The following ABCA13 variants were observed in gnomAD, a reference collection of about 807,000 sequenced individuals.
ABCA13 encodes the protein ATP binding cassette subfamily A member 13.
In ABCA13, 476 loss-of-function variants were observed where a neutral mutation model predicts 478.7. That is an observed-to-expected ratio of 0.99 (90% confidence interval 0.92 to 1.07). The LOEUF is 1.07. Among genes scored for constraint, ABCA13 ranks in the 50% least tolerant of loss-of-function variants. The pLI, the probability that ABCA13 is intolerant of heterozygous loss-of-function variation, is 0.00. For synonymous variants in ABCA13, 2,252 were observed against 2,158.9 expected (o/e 1.04, Z -1.20); for missense variants, 6,060 against 5,910.6 (o/e 1.03, Z -0.83).
intron 35 of ABCA13, 144 bp from the exon 36 acceptor site, chr7:48,387,678 C>T (rs2129051210): frequency 1.4e-6 from 1 of 723,668 alleles, no homozygotes; most frequent in African/African-American, 1.8e-5. Flanking sequence ...TAGCTGTGCC[C>T]TGGGATATCA....
chr7:48,503,151 A>G (rs1403273376), intron 48 of ABCA13, among the ~76,000 whole-genome samples: 1 of 152,140 alleles, frequency 6.6e-6, no homozygotes, highest in African/African-American at 2.4e-5. Flanking sequence ...CAGTGGCGCA[A>G]TCATGGTTCA....
chr7:48,563,503 T>C (rs1786678227), intron 55 of ABCA13, among the ~76,000 whole-genome samples: 1 of 152,146 alleles, frequency 6.6e-6, no homozygotes, highest in South Asian at 2.1e-4. Context: ...TGAAGTCACC[T>C]GGGCTAGAAA....
In ABCA13 at chr7:48,481,138, C is replaced by A. The variant is rs772940760; in HGVS notation, c.13078C>A (p.Pro4360Thr). 4 of 1,585,722 alleles carry A rather than the reference C, an allele frequency of 2.5e-6. No homozygotes were observed. The highest frequency in any genetic ancestry group is 2.6e-6 in the Non-Finnish European group (3 of 1,165,084). Residue 4360 changes from proline (P) to threonine (T), a missense_variant, in exon 46 of 62, where the codon CCA (proline) becomes ACA (threonine). Physicochemically the swap from Pro to Thr is conservative, Grantham distance 38. Transcript: ENST00000435803. ...CAATATGGAGGAGTACTTGCTGGCA[C>A]CATCTGAAAAACCAAGGTGTGTTCA... The part of the protein sequence containing the change: ...GFNMEEYLLA[P>T]SEKPRLGGWS...
intron 15 of ABCA13, among the ~76,000 whole-genome samples, chr7:48,258,260 G>C (rs116189979): frequency 6.6e-6 from 1 of 152,224 alleles, no homozygotes; most frequent in African/African-American, 2.4e-5. Flanking sequence ...TTCAATTTCA[G>C]AACTCATATT....
intron 19 of ABCA13, among the ~76,000 whole-genome samples, chr7:48,286,937 G>A (rs1797847170): frequency 6.6e-6 from 1 of 152,068 alleles, no homozygotes; most frequent in Non-Finnish European, 1.5e-5. Context: ...TCATGACCAA[G>A]CATCTAGGAG....
At position 48,272,064 on chromosome 7, in the gene ABCA13, G is replaced by C. The variant is rs1795686916; in HGVS notation, c.2398G>C (p.Val800Leu). 1.2e-6 allele frequency: 2 copies of C among 1,613,622 alleles called. No homozygotes were observed. The highest frequency in any genetic ancestry group is 1.7e-5 in the Admixed American group (1 of 59,970). ...GAAACTCTTGGAATTTGGCAACGAA[G>C]TGATTTGGAAAATGCAGACTCTCGG... ...AQKLLEFGNE[V>L]IWKMQTLGSH... The change falls in exon 17 of 62, where the codon GTG becomes CTG. Residue 800 changes from valine (V) to leucine (L), a missense_variant. By Grantham distance (32) the Val-to-Leu change is conservative. This residue lies in a region of ABCA13 where 4,423 missense variants were observed against 4,309.1 expected (regional missense o/e 1.03). Coordinates refer to ENST00000435803, the MANE Select transcript of ABCA13 (RefSeq NM_152701.5).
In ABCA13 at chr7:48,278,545, G is replaced by T; in HGVS notation, c.7351G>T (p.Ala2451Ser). 1.2e-6 allele frequency: 2 copies of T among 1,613,894 alleles called. No individual in the cohort carries two copies. The highest frequency in any genetic ancestry group is 1.7e-6 in the Non-Finnish European group (2 of 1,179,836). ...TCCTACCCTCCAAGAAGTTATACTTGCTAATCTAACGGATTTGCTTTTCTT... is the reference window on the plus strand; with the variant it reads ...TCCTACCCTCCAAGAAGTTATACTTTCTAATCTAACGGATTTGCTTTTCTT... The part of the protein sequence containing the change: ...LYPTLQEVIL[A>S]NLTDLLFFIN... The change falls in exon 18 of 62, where the codon GCT (alanine) becomes TCT (serine). Residue 2451 changes from alanine to serine, a missense_variant. By Grantham distance (99) the Ala-to-Ser change is moderately conservative (BLOSUM62 1). Around this residue, in one of 3 missense-constraint regions of ABCA13, gnomAD observed 4,423 missense variants for 4,309.1 expected, o/e 1.03. Transcript: ENST00000435803.
At chr7:48,181,123 G>C (rs1296007962) in intron 1 of ABCA13, among the ~76,000 whole-genome samples, 1 of 152,210 alleles carries the variant, frequency 6.6e-6, no homozygotes, top group Non-Finnish European at 1.5e-5. Flanking sequence ...GATGCATCCA[G>C]TGTCGTATTG....
chr7:48,435,454 T>C (rs1822705827), intron 42 of ABCA13, among the ~76,000 whole-genome samples: 1 of 151,874 alleles, frequency 6.6e-6, no homozygotes, highest in Admixed American at 6.6e-5. Context: ...AAGACTGTCA[T>C]CTGCAAACAA....
At chr7:48,179,408 C>T (rs933373239) in intron 1 of ABCA13, among the ~76,000 whole-genome samples, 2 of 152,150 alleles carry the variant, frequency 1.3e-5, no homozygotes, top group Admixed American at 6.5e-5. Flanking sequence ...TCATTCCTGT[C>T]GGGGATGTTT....
intron 43 of ABCA13, among the ~76,000 whole-genome samples, chr7:48,457,037 A>C (rs897904195): frequency 6.6e-6 from 1 of 151,978 alleles, no homozygotes; most frequent in Non-Finnish European, 1.5e-5. Context: ...TGGTGTACTT[A>C]CTATATGCTA....
At chr7:48,473,893 A>T (rs536322065) in intron 45 of ABCA13, among the ~76,000 whole-genome samples, 1 of 152,346 alleles carries the variant, frequency 6.6e-6, no homozygotes, top group African/African-American at 2.4e-5. Context: ...ATACACATGT[A>T]AGCGGGAATA....
intron 34 of ABCA13, among the ~76,000 whole-genome samples, chr7:48,375,614 T>G (rs1286791933): frequency 4.3e-4 from 65 of 151,972 alleles, no homozygotes; most frequent in African/African-American, 1.5e-3. Flanking sequence ...ATGGTTTTTT[T>G]TGGGGGGGGG....
chr7:48,273,363 G>C lies in ABCA13; in HGVS notation c.3697G>C (p.Asp1233His). 1 of 1,613,626 alleles carries C rather than the reference G, an allele frequency of 6.2e-7. No individual in the cohort carries two copies. Among genetic ancestry groups the C allele is most frequent in the South Asian group, 1.1e-5 (1 of 91,062 alleles). ...TTGGGAGGACTTCCTGGATCTCAGGGATTTTTTGGTAGCTTTAGGTAATGC... is the reference window on the plus strand; with the variant it reads ...TTGGGAGGACTTCCTGGATCTCAGGCATTTTTTGGTAGCTTTAGGTAATGC... Reference protein sequence around the residue: ...HNWEDFLDLRDFLVALGNALV... With the variant: ...HNWEDFLDLRHFLVALGNALV... Residue 1233 changes from aspartate to histidine, a missense_variant, in exon 17 of 62, where the codon GAT (aspartate) becomes CAT (histidine). Transcript: ENST00000435803.
chr7:48,543,785 A>T (rs890387363), intron 55 of ABCA13, among the ~76,000 whole-genome samples: 1 of 151,894 alleles, frequency 6.6e-6, no homozygotes, highest in Non-Finnish European at 1.5e-5. Flanking sequence ...ATCATTATAA[A>T]CAACTAAAAT....
chr7:48,641,280 C>T (rs796769895), intron 59 of ABCA13, among the ~76,000 whole-genome samples: 15 of 152,280 alleles, frequency 9.9e-5, no homozygotes, highest in African/African-American at 3.6e-4. Flanking sequence ...TTATATAATG[C>T]TTCCTATTCA....
At position 48,392,042 on chromosome 7, in the gene ABCA13, C is replaced by T. The variant is rs1816146493; in HGVS notation, c.11776C>T (p.Leu3926=). The change falls in exon 38 of 62, where the codon CTG becomes TTG. Residue 3926 remains leucine, a synonymous_variant. Coordinates refer to ENST00000435803, the MANE Select transcript of ABCA13 (RefSeq NM_152701.5). ...TGGTGTGTGTCCGCAGCAGGACATC[C>T]TGTTGGACAACCTCACCGTCCGGGA... ...ELGVCPQQDI[L]LDNLTVREHL... 5.0e-6 allele frequency: 8 copies of T among 1,613,902 alleles called. No individual in the cohort carries two copies. The highest frequency in any genetic ancestry group is 1.3e-5 in the African/African-American group (1 of 74,940).
chr7:48,484,036 T>A (rs12718275), intron 47 of ABCA13, among the ~76,000 whole-genome samples: 9,845 of 152,230 alleles, frequency 0.065, 441 homozygotes, highest in African/African-American at 0.12. Flanking sequence ...ACAATCTCCA[T>A]GAGCCCAGGA....
In ABCA13 at chr7:48,352,032, G is replaced by C. The variant is rs1013810923; in HGVS notation, c.10382-149G>C. 9 of 683,894 alleles carry C rather than the reference G, an allele frequency of 1.3e-5. No individual in the cohort carries two copies. The East Asian group carries it at 2.4e-4, about 19-fold the overall frequency. The allele number at this position is 683,894 out of a possible 1,614,324, so 42.4% of individuals were successfully genotyped here. A position where few individuals can be genotyped will look rare whatever the true frequency, so the allele number is the denominator to read the frequency against. ...GCCTGTGTGACTGAAAGTCAGCTTT[G>C]CCACTGCGGGCTGGGGCTCTGAGTC... On this transcript the variant is annotated intron_variant, in intron 30 of 61. Coordinates refer to ENST00000435803, the MANE Select transcript of ABCA13 (RefSeq NM_152701.5).
Sources: gnomAD v4.1 joint callset for allele counts (sites outside exome capture counted in the v4.1 genomes callset) on GRCh38, gnomAD v4.1.1 for gene constraint, gnomAD v4.1.1 regional missense constraint, MANE v1.5 for transcripts, NCBI Gene and HGNC (gene_info 2026-07-23, HGNC 2026-07-21) for gene names.